CRIM1: variants seen among roughly 807,000 people sequenced by gnomAD.
The protein encoded by CRIM1 is cysteine rich transmembrane BMP regulator 1.
A neutral mutation model predicts 116.4 loss-of-function variants in CRIM1; 32 were observed. The ratio of observed to expected loss-of-function variants is 0.27; its 90% CI spans 0.21 to 0.37. The LOEUF (loss-of-function observed/expected upper bound fraction) is 0.37. Among genes scored for constraint, CRIM1 ranks in the 10% least tolerant of loss-of-function variants. The pLI, the probability that CRIM1 is intolerant of heterozygous loss-of-function variation, is 1.00. For missense variants in CRIM1, 1,331 were observed against 1,354.8 expected, an observed-to-expected ratio of 0.98 and a Z score of 0.28; for synonymous variants, 590 against 509.2, an observed-to-expected ratio of 1.16 and a Z score of -2.13.
At chr2:36,475,324 C>T (rs1193803996) in intron 5 of CRIM1, among the ~76,000 whole-genome samples, 1 of 152,058 alleles carries the variant, frequency 6.6e-6, no homozygotes, top group East Asian at 1.9e-4. Flanking sequence ...ACATTTATTC[C>T]TAAGTATTGT....
intron 1 of CRIM1, among the ~76,000 whole-genome samples, chr2:36,382,043 C>T (rs1670818892): frequency 6.6e-6 from 1 of 152,112 alleles, no homozygotes; most frequent in African/African-American, 2.4e-5. Context: ...TGAGGACGTG[C>T]CTCAGGGTGA....
At chr2:36,480,392 C>G (rs553480885) in intron 7 of CRIM1, among the ~76,000 whole-genome samples, 1 of 152,254 alleles carries the variant, frequency 6.6e-6, no homozygotes, top group East Asian at 1.9e-4. Context: ...TTAGTGCAGA[C>G]AAGGGCTTGA....
At chr2:36,415,412 C>T (rs1452968293) in intron 2 of CRIM1, among the ~76,000 whole-genome samples, 3 of 152,208 alleles carry the variant, frequency 2.0e-5, no homozygotes, top group African/African-American at 7.2e-5. Flanking sequence ...CTCTTGGTTA[C>T]AGCTCTTCAG....
chr2:36,544,948 C>G (rs1316906161), intron 15 of CRIM1, among the ~76,000 whole-genome samples: 1 of 152,194 alleles, frequency 6.6e-6, no homozygotes, highest in Non-Finnish European at 1.5e-5. Flanking sequence ...GTGAGCTAAA[C>G]TTATCACCTA....
intron 14 of CRIM1, among the ~76,000 whole-genome samples, chr2:36,542,426 G>A (rs999370590): frequency 1.3e-5 from 2 of 152,148 alleles, no homozygotes; most frequent in Non-Finnish European, 2.9e-5. Flanking sequence ...GCCTCAGCTT[G>A]GTGGAGTTTC....
At chr2:36,464,948 G>A (rs1677884986) in intron 5 of CRIM1, among the ~76,000 whole-genome samples, 1 of 152,200 alleles carries the variant, frequency 6.6e-6, no homozygotes, top group African/African-American at 2.4e-5. Context: ...TTCAGGAAAA[G>A]GATCCTGGAG....
At chr2:36,463,397 T>C (rs1271640768) in intron 4 of CRIM1, among the ~76,000 whole-genome samples, 1 of 152,230 alleles carries the variant, frequency 6.6e-6, no homozygotes, top group African/African-American at 2.4e-5. Context: ...TTGATAGTTT[T>C]CCCTGCTGGG....
intron 2 of CRIM1, among the ~76,000 whole-genome samples, chr2:36,398,162 TACTC>T (rs1345110752): frequency 2.0e-5 from 3 of 152,220 alleles, no homozygotes; most frequent in East Asian, 3.8e-4. Flanking sequence ...CATTTAAACT[TACTC>T]ATATAAAGTC....
chr2:36,525,060 A>G (rs1184519123), intron 13 of CRIM1, among the ~76,000 whole-genome samples: 1 of 152,324 alleles, frequency 6.6e-6, no homozygotes, highest in South Asian at 2.1e-4. Flanking sequence ...GTATAATTTT[A>G]TCATATAAAC....
chr2:36,411,879 G>A (rs1002876002), intron 2 of CRIM1, among the ~76,000 whole-genome samples: 5 of 152,088 alleles, frequency 3.3e-5, no homozygotes, highest in African/African-American at 9.7e-5. Context: ...AGCTTATAGA[G>A]GATAAGCTAT....
At chr2:36,444,486 C>T (rs1676095703) in intron 4 of CRIM1, among the ~76,000 whole-genome samples, 1 of 152,198 alleles carries the variant, frequency 6.6e-6, no homozygotes. Flanking sequence ...TCCATTTTAT[C>T]CTCAAGCTTC....
chr2:36,479,959 T>G (rs1679282335), intron 7 of CRIM1, among the ~76,000 whole-genome samples: 1 of 152,214 alleles, frequency 6.6e-6, no homozygotes, highest in African/African-American at 2.4e-5. Context: ...TACATTTTAA[T>G]TAAGTTCACT....
chr2:36,542,338 C>T (rs1667002647), intron 14 of CRIM1, among the ~76,000 whole-genome samples: 1 of 152,228 alleles, frequency 6.6e-6, no homozygotes, highest in African/African-American at 2.4e-5. Context: ...AGACATCCTC[C>T]TTCACCATAG....
chr2:36,380,859 G>C (rs1670691936), intron 1 of CRIM1, among the ~76,000 whole-genome samples: 2 of 152,160 alleles, frequency 1.3e-5, no homozygotes, highest in Non-Finnish European at 2.9e-5. Context: ...AAGGAAGTGA[G>C]ACCCATAAAA....
chr2:36,364,090 G>C (rs144103945), intron 1 of CRIM1, among the ~76,000 whole-genome samples: 2 of 152,128 alleles, frequency 1.3e-5, no homozygotes, highest in Non-Finnish European at 2.9e-5. Flanking sequence ...TTCGCTGTGG[G>C]GGTTAAGTGA....
At chr2:36,391,919 A>G (rs1176770378) in intron 1 of CRIM1, among the ~76,000 whole-genome samples, 2 of 152,214 alleles carry the variant, frequency 1.3e-5, no homozygotes, top group Admixed American at 6.5e-5. Context: ...CAAAATGGTA[A>G]GGAATTAAAA....
At chr2:36,427,666 T>A (rs1212171802) in intron 2 of CRIM1, among the ~76,000 whole-genome samples, 1 of 152,228 alleles carries the variant, frequency 6.6e-6, no homozygotes, top group Non-Finnish European at 1.5e-5. Flanking sequence ...TTAAGGAGAC[T>A]GCCAGAGGTC....
intron 2 of CRIM1, among the ~76,000 whole-genome samples, chr2:36,418,572 C>A (rs377449260): frequency 6.6e-6 from 1 of 152,166 alleles, no homozygotes; most frequent in Non-Finnish European, 1.5e-5. Context: ...CAGGGGTGAG[C>A]CACCGTGCCC....
intron 4 of CRIM1, among the ~76,000 whole-genome samples, chr2:36,444,524 A>G (rs1214213274): frequency 1.3e-5 from 2 of 152,252 alleles, no homozygotes; most frequent in Non-Finnish European, 2.9e-5. Context: ...AAACTTGAAG[A>G]TGATTATTAC....
Sources: gnomAD v4.1 joint callset for allele counts (sites outside exome capture counted in the v4.1 genomes callset) on GRCh38, gnomAD v4.1.1 for gene constraint, MANE v1.5 for transcripts, NCBI Gene and HGNC (gene_info 2026-07-23, HGNC 2026-07-21) for gene names.